The following YIPF3 variants were observed in gnomAD, a reference collection of about 807,000 sequenced individuals.
YIPF3 encodes the protein Yip1 domain family member 3.
In YIPF3, 18 loss-of-function variants were observed where a neutral mutation model predicts 40.3. The ratio of observed to expected loss-of-function variants is 0.45; its 90% CI spans 0.31 to 0.66. The LOEUF (loss-of-function observed/expected upper bound fraction) is 0.66, where lower values mean the gene tolerates loss of function less well. YIPF3 is among the 30% of genes least tolerant of loss of function. The pLI is 0.07. For synonymous variants in YIPF3, 190 were observed against 179.6 expected, an observed-to-expected ratio of 1.06 and a Z score of -0.46; for missense variants, 406 against 452.2, an observed-to-expected ratio of 0.90 and a Z score of 0.93.
chr6:43,512,997 C>T, intron 6 of YIPF3, 72 bp downstream of exon 6: 2 of 1,601,164 alleles, frequency 1.2e-6, no homozygotes, highest in Non-Finnish European at 8.5e-7. Context: ...TTTGGGGCCC[C>T]AGGACAGATG....
Position 43,516,907 on chromosome 6 carries a change from G to C in YIPF3, c.-100C>G. On this transcript the variant is annotated 5_prime_UTR_variant, in exon 1 of 9. Coordinates refer to ENST00000372422, the MANE Select transcript of YIPF3 (RefSeq NM_015388.4). ...AGGTAGACGTCCAGGGTCGAGGAGA[G>C]GTGGGATCGGCCGGAACACAAAAAG... 1 of 1,363,220 alleles carries C rather than the reference G, an allele frequency of 7.3e-7. No homozygotes were observed. The highest frequency in any genetic ancestry group is 2.5e-5 in the East Asian group (1 of 40,022). 84.4% of individuals were successfully genotyped at this position (1,363,220 alleles called of 1,614,324 possible).
At chr6:43,513,989 C>T (rs1003950965) in intron 3 of YIPF3, among the ~76,000 whole-genome samples, 23 of 152,168 alleles carry the variant, frequency 1.5e-4, no homozygotes, top group African/African-American at 4.8e-4. Flanking sequence ...CGCCTGTAAT[C>T]CCAGCACTTT....
chr6:43,512,509 C>T lies in YIPF3; in HGVS notation c.835G>A (p.Gly279Ser). Residue 279 changes from glycine (G) to serine (S), a missense_variant, in exon 8 of 9, where the codon GGC becomes AGC. By Grantham distance (56) the Gly-to-Ser change is moderately conservative. Coordinates refer to ENST00000372422, the MANE Select transcript of YIPF3 (RefSeq NM_015388.4). Reference sequence around the variant, plus strand: ...AGCATGTGTAGGGCAGCCAGGGTGCCACAGAGGAGCAGCCGCTGTGTGGGG... The same window carrying T: ...AGCATGTGTAGGGCAGCCAGGGTGCTACAGAGGAGCAGCCGCTGTGTGGGG... ...VGPTQRLLLC[G>S]TLAALHMLFL... The T allele has an allele frequency of 6.2e-7, 1 of 1,613,312 alleles. No homozygotes were observed. Among genetic ancestry groups the T allele is most frequent in the Non-Finnish European group, 8.5e-7 (1 of 1,179,992 alleles).
Position 43,516,873 on chromosome 6 carries a change from G to A in YIPF3, c.-66C>T, listed in dbSNP as rs1792854778. The A allele has an allele frequency of 4.0e-6, 6 of 1,516,108 alleles. No individual in the cohort carries two copies. In the Admixed American group the frequency reaches 6.0e-5, roughly 15 times the overall value. 93.9% of individuals were successfully genotyped at this position (1,516,108 alleles called of 1,614,324 possible). ...CGCGCGCGGAGTGGGCAAGATGTGG[G>A]CCTCCGGAAGGTAGACGTCCAGGGT... On this transcript the variant is annotated 5_prime_UTR_variant, in exon 1 of 9. Transcript: ENST00000372422.
chr6:43,513,844 C>G (rs953469698), intron 3 of YIPF3: 8 of 481,214 alleles, frequency 1.7e-5, no homozygotes, highest in Admixed American at 3.8e-5. Flanking sequence ...GGAAGGACAA[C>G]CCTCTGAAAC....
Position 43,512,193 on chromosome 6 carries a change from C to G in YIPF3, c.1027G>C (p.Val343Leu). 2 of 1,614,234 alleles carry G rather than the reference C, an allele frequency of 1.2e-6. No individual in the cohort carries two copies. Among genetic ancestry groups the G allele is most frequent in the Non-Finnish European group, 1.7e-6 (2 of 1,180,032 alleles). The change falls in exon 9 of 9, where the codon GTT (valine) becomes CTT (leucine). Residue 343 changes from valine (V) to leucine (L), a missense_variant. Coordinates refer to ENST00000372422, the MANE Select transcript of YIPF3 (RefSeq NM_015388.4). ...CAGTGTGACTGCAGGGTCACCGCAA[C>G]AGCTTTGGCTGTGGCGTTGAGGACG... ...TTVLNATAKA[V>L]AVTLQSH
In YIPF3 at chr6:43,513,461, T is replaced by C. The variant is rs756497695; in HGVS notation, c.442-10A>G. On this transcript the variant is annotated splice_polypyrimidine_tract_variant and intron_variant, in intron 4 of 8. Transcript: ENST00000372422. Reference sequence around the variant, plus strand: ...GTTCACCTGCAATTTTCTGTCAATATACCAATTCATTCAGGCTGGAGGGTA... The same window carrying C: ...GTTCACCTGCAATTTTCTGTCAATACACCAATTCATTCAGGCTGGAGGGTA... The C allele has an allele frequency of 1.3e-5, 21 of 1,614,120 alleles. No individual in the cohort carries two copies. The South Asian group carries it at 2.0e-4, about 15-fold the overall frequency.
chr6:43,516,335 C>A, intron 1 of YIPF3: 1 of 935,524 alleles, frequency 1.1e-6, no homozygotes, highest in Admixed American at 3.1e-5. Flanking sequence ...TCCTATGTTA[C>A]CTATCAAAGA....
In YIPF3 at chr6:43,512,152, G is replaced by A. The variant is rs1310403244; in HGVS notation, c.*15C>T. 6.2e-7 allele frequency: 1 copy of A among 1,614,194 alleles called. No individual in the cohort carries two copies. Among genetic ancestry groups the A allele is most frequent in the Non-Finnish European group, 8.5e-7 (1 of 1,180,026 alleles). On this transcript the variant is annotated 3_prime_UTR_variant, in exon 9 of 9. Transcript: ENST00000372422. ...AGCTGCGGGAAAGAGGACTGGCCAA[G>A]AATTTCAGGTGGGGTCAGTGTGACT...
At chr6:43,515,300 C>G in intron 3 of YIPF3, 1 of 509,388 alleles carries the variant, frequency 2.0e-6, no homozygotes, top group South Asian at 1.5e-5. Context: ...CTGGCAAGCA[C>G]AGAGTTCTAT....
chr6:43,511,952 T>G lies in YIPF3; in HGVS notation c.*215A>C, dbSNP rs1792676723. 1 of 663,810 alleles carries G rather than the reference T, an allele frequency of 1.5e-6. No homozygotes were observed. Among genetic ancestry groups the G allele is most frequent in the Admixed American group, 3.5e-5 (1 of 28,896 alleles). 41.1% of individuals were successfully genotyped at this position (663,810 alleles called of 1,614,324 possible). On this transcript the variant is annotated 3_prime_UTR_variant, in exon 9 of 9. Coordinates refer to ENST00000372422, the MANE Select transcript of YIPF3 (RefSeq NM_015388.4). Reference sequence around the variant, plus strand: ...TTCTCAAAGGAGCTGACCCATTTTCTGCATTGGCTGCAGAGCCTTGCAGTC... The same window carrying G: ...TTCTCAAAGGAGCTGACCCATTTTCGGCATTGGCTGCAGAGCCTTGCAGTC...
At chr6:43,514,314 T>G (rs543505693) in intron 3 of YIPF3, among the ~76,000 whole-genome samples, 10 of 152,220 alleles carry the variant, frequency 6.6e-5, no homozygotes, top group Non-Finnish European at 1.3e-4. Context: ...AGGGTTATAA[T>G]GAGGAAGCCC....
Position 43,512,328 on chromosome 6 carries a change from T to C in YIPF3, c.905-13A>G, listed in dbSNP as rs756735057. ...GTGTCCAGGATCCCTGGAAGGAAGA[T>C]GGAAGGTGAGCGAGGATCAGATGGG... On this transcript the variant is annotated splice_polypyrimidine_tract_variant and intron_variant, in intron 8 of 8. Transcript: ENST00000372422. 3.0e-5 allele frequency: 49 copies of C among 1,610,984 alleles called. No homozygotes were observed. The highest frequency in any genetic ancestry group is 2.5e-4 in the African/African-American group (19 of 74,962).
Position 43,515,620 on chromosome 6 carries a change from CATCAA to C in YIPF3, c.365_369del (p.Phe122CysfsTer29), listed in dbSNP as rs780556979. On this transcript the variant is annotated frameshift_variant, in exon 3 of 9. Coordinates refer to ENST00000372422, the MANE Select transcript of YIPF3 (RefSeq NM_015388.4). LOFTEE classifies it high-confidence loss of function. ...CTGCTTCGCACCTGAGCAGGCTCCA[CATCAA>C]AGTAGGGTCTGAGGATGTCGATGTT... 1 of 1,613,642 alleles carries C rather than the reference CATCAA, an allele frequency of 6.2e-7. No homozygotes were observed. The highest frequency in any genetic ancestry group is 1.1e-5 in the South Asian group (1 of 91,060).
At chr6:43,514,464 T>C (rs1163598337) in intron 3 of YIPF3, among the ~76,000 whole-genome samples, 2 of 152,182 alleles carry the variant, frequency 1.3e-5, no homozygotes, top group Non-Finnish European at 2.9e-5. Context: ...TGTGAAGTGG[T>C]ATGAAAATTT....
In YIPF3 at chr6:43,516,869, G is replaced by A; in HGVS notation, c.-62C>T. The A allele has an allele frequency of 6.6e-7, 1 of 1,526,382 alleles. No homozygotes were observed. Among genetic ancestry groups the A allele is most frequent in the Non-Finnish European group, 8.9e-7 (1 of 1,124,144 alleles). 94.6% of individuals were successfully genotyped at this position (1,526,382 alleles called of 1,614,324 possible). On this transcript the variant is annotated 5_prime_UTR_variant, in exon 1 of 9. Transcript: ENST00000372422. ...GCCCCGCGCGCGGAGTGGGCAAGAT[G>A]TGGGCCTCCGGAAGGTAGACGTCCA...
Position 43,512,794 on chromosome 6 carries a change from C to A in YIPF3, c.747G>T (p.Trp249Cys). 6.2e-7 allele frequency: 1 copy of A among 1,613,998 alleles called. No individual in the cohort carries two copies. Among genetic ancestry groups the A allele is most frequent in the Non-Finnish European group, 8.5e-7 (1 of 1,179,996 alleles). The change falls in exon 7 of 9, where the codon TGG (tryptophan) becomes TGT (cysteine). Residue 249 changes from tryptophan to cysteine, a missense_variant. Coordinates refer to ENST00000372422, the MANE Select transcript of YIPF3 (RefSeq NM_015388.4). ...IHLHALFYLFWLLVGGLSTLR... is the reference protein window; with the variant it reads ...IHLHALFYLFCLLVGGLSTLR... ...GTGTGGACAGTCCACCCACCAACAG[C>A]CAGAAGAGGTAGAAGAGGGCGTGGA...
rs749321243 is a variant in YIPF3, at chr6:43,516,758, G to T, written c.50C>A (p.Pro17Gln). 2.9e-5 allele frequency: 46 copies of T among 1,602,550 alleles called. No individual in the cohort carries two copies. The highest frequency in any genetic ancestry group is 3.8e-5 in the Non-Finnish European group (45 of 1,175,144). ...GTTTTCTTCGAACCCTCCCCATTCCGGGCCAGCTCCATTTCGGGCGCCGCC... is the reference window on the plus strand; with the variant it reads ...GTTTTCTTCGAACCCTCCCCATTCCTGGCCAGCTCCATTTCGGGCGCCGCC... ...PAGGARNGAG[P>Q]EWGGFEENIQ... is the part of the protein sequence containing the mutation. Residue 17 changes from proline to glutamine, a missense_variant, in exon 1 of 9, where the codon CCG becomes CAG. Pro to Gln is a moderately conservative substitution (Grantham distance 76). Coordinates refer to ENST00000372422, the MANE Select transcript of YIPF3 (RefSeq NM_015388.4).
chr6:43,512,031 G>A lies in YIPF3; in HGVS notation c.*136C>T. The stretch of plus-strand genomic sequence containing the variant: ...TTCAGAAGTGCCGACAGGCATCAAG[G>A]AGGTACTTACGCAGCTACAGCTCAG... On this transcript the variant is annotated 3_prime_UTR_variant, in exon 9 of 9. Transcript: ENST00000372422. 8 of 1,373,046 alleles carry A rather than the reference G, an allele frequency of 5.8e-6. No homozygotes were observed. Among genetic ancestry groups the A allele is most frequent in the Non-Finnish European group, 8.0e-6 (8 of 1,003,112 alleles). The allele number at this position is 1,373,046 out of a possible 1,614,324, so 85.1% of individuals were successfully genotyped here.
Sources: gnomAD v4.1 joint callset for allele counts (sites outside exome capture counted in the v4.1 genomes callset) on GRCh38, gnomAD v4.1.1 for gene constraint, MANE v1.5 for transcripts, NCBI Gene and HGNC (gene_info 2026-07-23, HGNC 2026-07-21) for gene names.